The following PVT1 variants were observed in gnomAD, a reference collection of about 807,000 sequenced individuals.
The protein encoded by PVT1 is CXCR4/PVT1 fusion.
intron 3 of PVT1, among the ~76,000 whole-genome samples, chr8:127,938,081 G>GA (rs2129902020): frequency 6.6e-6 from 1 of 152,098 alleles, no homozygotes; most frequent in African/African-American, 2.4e-5. Context: ...CTCTTCAGGC[G>GA]ACCTCCTTGG....
chr8:128,039,033 C>T (rs1349706673), intron 4 of PVT1, among the ~76,000 whole-genome samples: 1 of 152,168 alleles, frequency 6.6e-6, no homozygotes, highest in Non-Finnish European at 1.5e-5. Flanking sequence ...GACGGATCAG[C>T]TCCATTTGCT....
At chr8:127,995,745 A>G (rs1563660589) in intron 4 of PVT1, among the ~76,000 whole-genome samples, 1 of 152,146 alleles carries the variant, frequency 6.6e-6, no homozygotes, top group Non-Finnish European at 1.5e-5. Context: ...ATGGTGTTTC[A>G]AGCACTTTAC....
chr8:127,794,568 G>A (rs1464865818), exon 1 of PVT1: 1 of 151,964 alleles, frequency 6.6e-6, no homozygotes, highest in Non-Finnish European at 1.5e-5. Flanking sequence ...CGAGCACATG[G>A]GCCCGCGGGC....
chr8:127,860,387 A>G (rs1045367052), intron 2 of PVT1, among the ~76,000 whole-genome samples: 4 of 152,098 alleles, frequency 2.6e-5, no homozygotes, highest in Non-Finnish European at 5.9e-5. Context: ...TTGGGGGAAA[A>G]CTTTTTCTCG....
At chr8:128,058,852 G>A (rs1197733871) in intron 4 of PVT1, among the ~76,000 whole-genome samples, 1 of 152,166 alleles carries the variant, frequency 6.6e-6, no homozygotes, top group East Asian at 1.9e-4. Flanking sequence ...GGGCTTCAGG[G>A]TGGATTTACC....
chr8:128,016,671 A>G (rs1016863711), intron 4 of PVT1, among the ~76,000 whole-genome samples: 1 of 152,174 alleles, frequency 6.6e-6, no homozygotes, highest in East Asian at 1.9e-4. Flanking sequence ...TCACCACACA[A>G]CTGGTGCTGT....
intron 2 of PVT1, among the ~76,000 whole-genome samples, chr8:127,868,789 A>ACACG (rs74220497): frequency 8.8e-6 from 1 of 114,080 alleles, no homozygotes; most frequent in Non-Finnish European, 1.7e-5. Flanking sequence ...ATATATATAT[A>ACACG]TATACATATA....
At chr8:127,873,020 C>T (rs1056945374) in intron 2 of PVT1, among the ~76,000 whole-genome samples, 1 of 152,178 alleles carries the variant, frequency 6.6e-6, no homozygotes, top group Non-Finnish European at 1.5e-5. Context: ...CCGCATGGTT[C>T]CTCCTGTTTT....
chr8:128,008,147 T>G (rs1817269646), intron 4 of PVT1, among the ~76,000 whole-genome samples: 1 of 152,248 alleles, frequency 6.6e-6, no homozygotes, highest in Admixed American at 6.5e-5. Context: ...GGTGCTTGAT[T>G]TATCTAAACC....
intron 2 of PVT1, among the ~76,000 whole-genome samples, chr8:127,823,889 C>T (rs952863194): frequency 2.6e-5 from 4 of 152,328 alleles, no homozygotes; most frequent in African/African-American, 7.2e-5. Flanking sequence ...GCTTTCTAAT[C>T]GCCCTTTAAG....
chr8:128,089,137 C>T (rs2130164930), intron 5 of PVT1, among the ~76,000 whole-genome samples: 1 of 152,306 alleles, frequency 6.6e-6, no homozygotes, highest in South Asian at 2.1e-4. Flanking sequence ...ATCTCAAGCA[C>T]AGCCAAAACT....
chr8:127,984,851 TTCTTTCTTTC>T (rs1816928724), intron 3 of PVT1, among the ~76,000 whole-genome samples: 1 of 30,188 alleles, frequency 3.3e-5, no homozygotes, highest in African/African-American at 8.8e-5. Flanking sequence ...CTTTCTTTCT[TTCTTTCTTTC>T]TTTCTTTCTT....
At chr8:127,887,896 A>C (rs1815543926) in intron 2 of PVT1, among the ~76,000 whole-genome samples, 1 of 149,960 alleles carries the variant, frequency 6.7e-6, no homozygotes. Context: ...CTTTGGAGTC[A>C]AACCCAACTT....
chr8:127,934,165 A>G (rs1385844023), intron 3 of PVT1, among the ~76,000 whole-genome samples: 1 of 152,246 alleles, frequency 6.6e-6, no homozygotes, highest in African/African-American at 2.4e-5. Context: ...CAAAGGGGCA[A>G]AGAAACTTCA....
chr8:127,829,045 G>A (rs1322205351), intron 2 of PVT1, among the ~76,000 whole-genome samples: 1 of 152,152 alleles, frequency 6.6e-6, no homozygotes, highest in Non-Finnish European at 1.5e-5. Context: ...TGTAATCCCA[G>A]CACTTTGGGA....
chr8:127,871,978 G>A (rs1815356204), intron 2 of PVT1, among the ~76,000 whole-genome samples: 2 of 152,204 alleles, frequency 1.3e-5, no homozygotes, highest in South Asian at 4.1e-4. Context: ...TGTAATCCCA[G>A]CTATTCTGGA....
At chr8:127,987,391 A>G (rs1301160037) in intron 3 of PVT1, among the ~76,000 whole-genome samples, 1 of 151,912 alleles carries the variant, frequency 6.6e-6, no homozygotes, top group Non-Finnish European at 1.5e-5. Context: ...GCCCAATCTC[A>G]TTGCCTTCAT....
At chr8:127,942,458 A>T (rs1351145576) in intron 3 of PVT1, among the ~76,000 whole-genome samples, 2 of 152,252 alleles carry the variant, frequency 1.3e-5, no homozygotes, top group Non-Finnish European at 2.9e-5. Context: ...CCTAATTTAC[A>T]TCTTCATGCA....
chr8:127,931,121 G>C (rs1236817519), intron 3 of PVT1, among the ~76,000 whole-genome samples: 2 of 152,132 alleles, frequency 1.3e-5, no homozygotes, highest in Non-Finnish European at 2.9e-5. Context: ...GCCCACGCTG[G>C]TCTCAAACTC....
Sources: allele counts gnomAD v4.1 joint callset (sites outside exome capture counted in the v4.1 genomes callset), GRCh38; gene constraint gnomAD v4.1.1; transcripts MANE v1.5; gene names NCBI Gene and HGNC (gene_info 2026-07-23, HGNC 2026-07-21).